The following KCNQ5 variants were observed in gnomAD, a reference collection of about 807,000 sequenced individuals.
KCNQ5 encodes the protein potassium voltage-gated channel subfamily KQT member 5.
In KCNQ5, 30 loss-of-function variants were observed where a neutral mutation model predicts 98.2. The observed-to-expected ratio is 0.31, with a 90% CI of 0.23 to 0.41. The LOEUF is 0.41. KCNQ5 is among the 10% of genes least tolerant of loss of function. KCNQ5 has a pLI of 1.00. For missense variants in KCNQ5, 835 were observed against 1,182.5 expected (o/e 0.71, Z 4.31); for synonymous variants, 458 against 449.4 (o/e 1.02, Z -0.24).
intron 1 of KCNQ5, among the ~76,000 whole-genome samples, chr6:72,988,278 TA>T (rs1380489743): frequency 2.0e-5 from 3 of 152,114 alleles, no homozygotes; most frequent in Admixed American, 6.6e-5. Flanking sequence ...AGTTCAGGGA[TA>T]AAGTAATAAA....
intron 1 of KCNQ5, among the ~76,000 whole-genome samples, chr6:72,897,210 T>G (rs1473798798): frequency 6.6e-6 from 1 of 151,958 alleles, no homozygotes; most frequent in Non-Finnish European, 1.5e-5. Context: ...TTACATGGCT[T>G]CTGTGATGGA....
At chr6:72,752,516 A>C (rs940478079) in intron 1 of KCNQ5, among the ~76,000 whole-genome samples, 1 of 152,130 alleles carries the variant, frequency 6.6e-6, no homozygotes, top group African/African-American at 2.4e-5. Context: ...GGTCCTAAAG[A>C]ACATAGTTTC....
chr6:72,839,708 T>C (rs1382872703), intron 1 of KCNQ5, among the ~76,000 whole-genome samples: 1 of 152,216 alleles, frequency 6.6e-6, no homozygotes, highest in Non-Finnish European at 1.5e-5. Flanking sequence ...TTTTATGGGG[T>C]ACAACATGAT....
intron 1 of KCNQ5, among the ~76,000 whole-genome samples, chr6:72,881,938 G>A (rs1350480968): frequency 6.6e-6 from 1 of 152,138 alleles, no homozygotes. Context: ...TGATCTGCCC[G>A]CCTCGACCTC....
intron 10 of KCNQ5, among the ~76,000 whole-genome samples, chr6:73,150,335 A>G (rs1347852979): frequency 6.6e-6 from 1 of 151,522 alleles, no homozygotes; most frequent in East Asian, 1.9e-4. Flanking sequence ...ATTCTCGGGT[A>G]TTTAGCCCAG....
chr6:72,931,871 T>TAGA (rs1187098227), intron 1 of KCNQ5, among the ~76,000 whole-genome samples: 1 of 152,086 alleles, frequency 6.6e-6, no homozygotes, highest in African/African-American at 2.4e-5. Context: ...CCCCAAAGGC[T>TAGA]AGAGTTGAGG....
chr6:73,176,010 C>T (rs935280423), intron 11 of KCNQ5, among the ~76,000 whole-genome samples: 4 of 152,064 alleles, frequency 2.6e-5, no homozygotes, highest in Non-Finnish European at 5.9e-5. Flanking sequence ...TTAGAAAGCA[C>T]GGGTGATGGT....
intron 1 of KCNQ5, among the ~76,000 whole-genome samples, chr6:72,758,920 A>G (rs1238118495): frequency 6.6e-6 from 1 of 152,188 alleles, no homozygotes; most frequent in Admixed American, 6.5e-5. Context: ...AAGCCATATT[A>G]GGAAGAAGTG....
chr6:72,681,976 C>T (rs1767732429), intron 1 of KCNQ5, among the ~76,000 whole-genome samples: 1 of 152,188 alleles, frequency 6.6e-6, no homozygotes, highest in Non-Finnish European at 1.5e-5. Flanking sequence ...TTCCCCAGGA[C>T]TTGAGGATTT....
intron 1 of KCNQ5, among the ~76,000 whole-genome samples, chr6:72,939,214 C>T (rs1261895533): frequency 6.6e-6 from 1 of 152,066 alleles, no homozygotes; most frequent in African/African-American, 2.4e-5. Context: ...TTGCTTGAAC[C>T]CAGTCCCTCA....
At chr6:72,700,050 A>G (rs1312134960) in intron 1 of KCNQ5, among the ~76,000 whole-genome samples, 1 of 152,220 alleles carries the variant, frequency 6.6e-6, no homozygotes, top group Non-Finnish European at 1.5e-5. Context: ...TTAAAACATT[A>G]TAGAGTAAGC....
At chr6:72,741,548 A>T (rs1407628915) in intron 1 of KCNQ5, among the ~76,000 whole-genome samples, 3 of 152,110 alleles carry the variant, frequency 2.0e-5, no homozygotes, top group African/African-American at 7.2e-5. Context: ...TGAAAAGAAA[A>T]ATTTGCATTT....
chr6:72,678,880 A>T (rs1056134363), intron 1 of KCNQ5, among the ~76,000 whole-genome samples: 1 of 152,222 alleles, frequency 6.6e-6, no homozygotes, highest in African/African-American at 2.4e-5. Context: ...CTAAAATAAA[A>T]ATAAAAGACA....
rs70994156 is a variant in KCNQ5, at chr6:73,036,385, C to CAAAAAA, written c.490-5529_490-5524dup. 3.8e-5 allele frequency among the ~76,000 whole-genome samples: 3 copies of CAAAAAA among 78,552 alleles called. 1 individual carries two copies. Among genetic ancestry groups the CAAAAAA allele is most frequent in the African/African-American group, 1.8e-4 (3 of 16,378 alleles). The allele number at this position is 78,552 out of a possible 152,430, so 51.5% of individuals were successfully genotyped here. A position where few individuals can be genotyped will look rare whatever the true frequency, so the allele number is the denominator to read the frequency against. ...TGGGCAACAGCGCGAGACTCTGTCT[C>CAAAAAA]AAAAAAAAAAAAAAAAAAAAAAAAA... On this transcript the variant is annotated intron_variant, in intron 2 of 13. Transcript: ENST00000370398.
intron 1 of KCNQ5, among the ~76,000 whole-genome samples, chr6:72,895,918 T>C (rs1358588177): frequency 6.6e-6 from 1 of 152,060 alleles, no homozygotes; most frequent in African/African-American, 2.4e-5. Context: ...TTACTAGAAA[T>C]TTCAGTGAGA....
At chr6:73,104,397 C>T (rs1774919490) in intron 5 of KCNQ5, among the ~76,000 whole-genome samples, 1 of 152,212 alleles carries the variant, frequency 6.6e-6, no homozygotes, top group South Asian at 2.1e-4. Context: ...AACCAAGGAG[C>T]TGAAAGACCT....
At chr6:72,938,824 G>C (rs1442512807) in intron 1 of KCNQ5, among the ~76,000 whole-genome samples, 3 of 152,156 alleles carry the variant, frequency 2.0e-5, no homozygotes, top group Non-Finnish European at 4.4e-5. Context: ...ACAAAAGAAG[G>C]CTACAGTATG....
intron 1 of KCNQ5, among the ~76,000 whole-genome samples, chr6:72,755,785 T>C (rs1771936130): frequency 6.6e-6 from 1 of 152,246 alleles, no homozygotes; most frequent in Non-Finnish European, 1.5e-5. Flanking sequence ...CCTTTATTTC[T>C]ATCATTTTCA....
intron 5 of KCNQ5, among the ~76,000 whole-genome samples, chr6:73,100,004 A>G (rs1040805529): frequency 1.3e-5 from 2 of 152,248 alleles, no homozygotes; most frequent in Admixed American, 6.5e-5. Flanking sequence ...TTCTCTGACC[A>G]CAATTGAATG....
Sources: allele counts gnomAD v4.1 joint callset (sites outside exome capture counted in the v4.1 genomes callset), GRCh38; gene constraint gnomAD v4.1.1; transcripts MANE v1.5; gene names NCBI Gene and HGNC (gene_info 2026-07-23, HGNC 2026-07-21).